The following ACTN4 variants were observed in gnomAD, a reference collection of about 807,000 sequenced individuals.
ACTN4 encodes actinin alpha 4.
In ACTN4, 18 loss-of-function variants were observed where a neutral mutation model predicts 114.2. The ratio of observed to expected loss-of-function variants is 0.16; its 90% CI spans 0.11 to 0.23. ACTN4 has a LOEUF of 0.23. Ranked by LOEUF, ACTN4 falls within the 10% of genes least tolerant of loss-of-function variation. The pLI is 1.00. For synonymous variants in ACTN4, 515 were observed against 506.3 expected (o/e 1.02, Z -0.23); for missense variants, 722 against 1,262.9 (o/e 0.57, Z 6.49).
intron 1 of ACTN4, among the ~76,000 whole-genome samples, chr19:38,698,881 C>G (rs1425406448): frequency 2.0e-5 from 3 of 152,214 alleles, no homozygotes; most frequent in African/African-American, 7.2e-5. Context: ...TGTCGAGTCT[C>G]CCTGAATGAG....
chr19:38,704,417 C>T (rs993370501), intron 3 of ACTN4, among the ~76,000 whole-genome samples: 4 of 152,188 alleles, frequency 2.6e-5, no homozygotes, highest in Non-Finnish European at 4.4e-5. Flanking sequence ...TGGAGAGTGT[C>T]GGCAGTAGGA....
chr19:38,658,249 G>A (rs1483527866), intron 1 of ACTN4, among the ~76,000 whole-genome samples: 3 of 152,178 alleles, frequency 2.0e-5, no homozygotes, highest in Admixed American at 6.5e-5. Flanking sequence ...TCCGCTGCTG[G>A]CTTTGTAGCC....
chr19:38,665,447 A>G (rs901069621), intron 1 of ACTN4, among the ~76,000 whole-genome samples: 2 of 152,240 alleles, frequency 1.3e-5, no homozygotes, highest in African/African-American at 2.4e-5. Context: ...AATGATTTCA[A>G]TGGCACATGG....
intron 19 of ACTN4, among the ~76,000 whole-genome samples, chr19:38,728,614 AAG>A (rs1345196933): frequency 6.6e-6 from 1 of 151,768 alleles, no homozygotes; most frequent in African/African-American, 2.4e-5. Flanking sequence ...AGTCTCCAGA[AAG>A]AGGGGGCAGC....
intron 9 of ACTN4, among the ~76,000 whole-genome samples, chr19:38,715,905 TTTA>T (rs1173914348): frequency 6.6e-6 from 1 of 152,198 alleles, no homozygotes; most frequent in Non-Finnish European, 1.5e-5. Context: ...CTAGAATTGT[TTTA>T]TTATTTTTTT....
chr19:38,722,976 C>T (rs1215004133), intron 12 of ACTN4, among the ~76,000 whole-genome samples: 3 of 152,136 alleles, frequency 2.0e-5, no homozygotes, highest in Non-Finnish European at 1.5e-5. Flanking sequence ...CAGGATGAGC[C>T]GGATGGGCAG....
In ACTN4 at chr19:38,706,106, G is replaced by A. The variant is rs571812757; in HGVS notation, c.547G>A (p.Val183Ile). Reference sequence around the variant, plus strand: ...GAGAAAGACAGCCCCGTATAAGAACGTCAATGTGCAGAACTTCCACATCAG... The same window carrying A: ...GAGAAAGACAGCCCCGTATAAGAACATCAATGTGCAGAACTTCCACATCAG... ...CQRKTAPYKN[V>I]NVQNFHISWK... The change falls in exon 5 of 21, where the codon GTC becomes ATC. Residue 183 changes from valine (V) to isoleucine (I), a missense_variant. This residue lies in a region of ACTN4 where 127 missense variants were observed against 311.3 expected (regional missense o/e 0.41). Transcript: ENST00000252699. 6 of 1,614,134 alleles carry A rather than the reference G, an allele frequency of 3.7e-6. No homozygotes were observed. Among genetic ancestry groups the A allele is most frequent in the East Asian group, 2.2e-5 (1 of 44,880 alleles).
chr19:38,679,562 G>GGTGCGT (rs1555827848), intron 1 of ACTN4, among the ~76,000 whole-genome samples: 2 of 96,298 alleles, frequency 2.1e-5, no homozygotes, highest in Non-Finnish European at 2.4e-5. Context: ...AATAGATTTG[G>GGTGCGT]GTGTGCGTGT....
Position 38,726,911 on chromosome 19 carries a change from C to T in ACTN4, c.2191-46C>T, listed in dbSNP as rs150069851. 678 of 1,611,614 alleles carry T rather than the reference C, an allele frequency of 4.2e-4. 3 individuals are homozygous for T. In the African/African-American group the frequency reaches 8.2e-3, roughly 19 times the overall value. On this transcript the variant is annotated intron_variant, in intron 17 of 20. Transcript: ENST00000252699. ...CTCCACGTGTGAACCACGGTGAGGA[C>T]AGTTCACAGCACCCGGCCCACGATC...
intron 8 of ACTN4, among the ~76,000 whole-genome samples, chr19:38,714,058 G>A (rs150961187): frequency 6.8e-4 from 104 of 152,296 alleles, no homozygotes; most frequent in African/African-American, 2.4e-3. Flanking sequence ...GGACCCGGGC[G>A]CCCCTGCTCT....
intron 1 of ACTN4, among the ~76,000 whole-genome samples, chr19:38,653,549 A>T (rs16972761): frequency 0.025 from 3,810 of 152,274 alleles, 79 homozygotes; most frequent in Admixed American, 0.06. Flanking sequence ...TAGCTGAAAT[A>T]TCAACATGTT....
rs577141157 is a variant in ACTN4, at chr19:38,659,065, C to CTTTTTTTTTTTTTTTTTTT, written c.162+11171_162+11172insTTTTTTTTTTTTTTTTTTT. On this transcript the variant is annotated intron_variant, in intron 1 of 20. Transcript: ENST00000252699. Reference sequence around the variant, plus strand: ...TAACTTTTTTTTCTTCTTTTCTTTTCTTTTTTTTTTTTTGAGACGGAGTCT... The same window carrying CTTTTTTTTTTTTTTTTTTT: ...TAACTTTTTTTTCTTCTTTTCTTTTCTTTTTTTTTTTTTTTTTTTTTTTTTTTTTTTTGAGACGGAGTCT... 5.3e-4 allele frequency among the ~76,000 whole-genome samples: 59 copies of CTTTTTTTTTTTTTTTTTTT among 111,684 alleles called. 3 individuals are homozygous for CTTTTTTTTTTTTTTTTTTT. The highest frequency in any genetic ancestry group is 7.8e-4 in the African/African-American group (24 of 30,780). 73.3% of individuals were successfully genotyped at this position (111,684 alleles called of 152,430 possible).
chr19:38,717,396 G>A lies in ACTN4; in HGVS notation c.1143+80G>A, dbSNP rs181547319. The stretch of plus-strand genomic sequence containing the variant: ...ACTGCCTGTGGGCAGTTTGGCCAGC[G>A]TAATCTTTCCTAAGTTGTTGATGTC... On this transcript the variant is annotated intron_variant, in intron 10 of 20. Transcript: ENST00000252699. This position sits in a 1 kb window ranked among gnomAD's most constrained non-coding sequence, Gnocchi z 4.0. The A allele has an allele frequency of 1.9e-4, 295 of 1,534,412 alleles. 5 individuals are homozygous for A. In the Middle Eastern group the frequency reaches 3.9e-3, roughly 20 times the overall value.
At position 38,701,078 on chromosome 19, in the gene ACTN4, T is replaced by C. The variant is rs368384089; in HGVS notation, c.354T>C (p.Phe118=). The C allele has an allele frequency of 1.2e-6, 2 of 1,614,112 alleles. No homozygotes were observed. The highest frequency in any genetic ancestry group is 1.7e-5 in the Admixed American group (1 of 60,024). The change falls in exon 3 of 21, where the codon TTT becomes TTC. Residue 118 remains phenylalanine (F), a synonymous_variant. Coordinates refer to ENST00000252699, the MANE Select transcript of ACTN4 (RefSeq NM_004924.6). The stretch of plus-strand genomic sequence containing the variant: ...ACAATGTGAACAAAGCGCTGGACTT[T>C]ATTGCCAGCAAAGGCGTCAAGCTGG... ...KINNVNKALD[F]IASKGVKLVS...
intron 1 of ACTN4, among the ~76,000 whole-genome samples, chr19:38,667,355 T>C (rs1443164784): frequency 6.6e-6 from 1 of 152,056 alleles, no homozygotes. Context: ...TGTGTGTGTG[T>C]GTTTAGCAGT....
At position 38,729,638 on chromosome 19, in the gene ACTN4, G is replaced by T; in HGVS notation, c.*206G>T. 1.3e-6 allele frequency: 1 copy of T among 764,916 alleles called. No homozygotes were observed. The highest frequency in any genetic ancestry group is 2.3e-6 in the Non-Finnish European group (1 of 443,924). 47.4% of individuals were successfully genotyped at this position (764,916 alleles called of 1,614,324 possible). On this transcript the variant is annotated 3_prime_UTR_variant, in exon 21 of 21. Coordinates refer to ENST00000252699, the MANE Select transcript of ACTN4 (RefSeq NM_004924.6). ...GAGGTTCCCCCGACCAGGTTGGGGA[G>T]ACTTGGGGCCAGCGCTTCTGGTCTG...
intron 1 of ACTN4, among the ~76,000 whole-genome samples, chr19:38,688,945 T>G (rs1358255043): frequency 6.6e-6 from 1 of 152,202 alleles, no homozygotes; most frequent in Non-Finnish European, 1.5e-5. Context: ...AGACGGGGTT[T>G]CACCATGTCA....
Position 38,647,718 on chromosome 19 carries a change from G to C in ACTN4, c.-28G>C, listed in dbSNP as rs1377338345. ...GCGGGAGCTGAGGCGGGAGCGGACA[G>C]GCTGGTGGGCGAGCGAGAGGCGGCG... On this transcript the variant is annotated 5_prime_UTR_variant, in exon 1 of 21. Coordinates refer to ENST00000252699, the MANE Select transcript of ACTN4 (RefSeq NM_004924.6). The C allele has an allele frequency of 2.0e-6, 3 of 1,535,404 alleles. No homozygotes were observed. Among genetic ancestry groups the C allele is most frequent in the African/African-American group, 2.8e-5 (2 of 70,534 alleles).
chr19:38,696,321 G>T (rs1426570857), intron 1 of ACTN4, among the ~76,000 whole-genome samples: 1 of 151,992 alleles, frequency 6.6e-6, no homozygotes, highest in African/African-American at 2.4e-5. Context: ...GAATGAATAT[G>T]TACGGACCCA....
Sources: gnomAD v4.1 joint callset for allele counts (sites outside exome capture counted in the v4.1 genomes callset) on GRCh38, gnomAD v4.1.1 for gene constraint, gnomAD v4.1.1 regional missense constraint, Gnocchi (gnomAD v3.1) non-coding constraint, MANE v1.5 for transcripts, NCBI Gene and HGNC (gene_info 2026-07-23, HGNC 2026-07-21) for gene names.